Variants in RBM47 observed in about 807,000 individuals in gnomAD.
The protein encoded by RBM47 is RNA binding motif protein 47.
RBM47 carries 21 observed loss-of-function variants against 47.1 expected under a neutral mutation model. The observed-to-expected ratio is 0.45, with a 90% confidence interval of 0.32 to 0.64. The LOEUF (loss-of-function observed/expected upper bound fraction) is 0.64, where lower values mean the gene tolerates loss of function less well. RBM47 is among the 30% of genes least tolerant of loss of function. The pLI is 0.05. For synonymous variants in RBM47, 375 were observed against 361.7 expected, an observed-to-expected ratio of 1.04 and a Z score of -0.42; for missense variants, 708 against 870.9, an observed-to-expected ratio of 0.81 and a Z score of 2.35.
chr4:40,474,243 C>T (rs533106757), intron 2 of RBM47, among the ~76,000 whole-genome samples: 1 of 152,182 alleles, frequency 6.6e-6, no homozygotes, highest in Admixed American at 6.5e-5. Flanking sequence ...TTAGTCTAAA[C>T]CTTTGAACCT....
intron 1 of RBM47, among the ~76,000 whole-genome samples, chr4:40,554,998 C>T (rs770630380): frequency 6.6e-6 from 1 of 151,854 alleles, no homozygotes; most frequent in Admixed American, 6.6e-5. Flanking sequence ...TGCAATGGCG[C>T]GATCTCGGCT....
At chr4:40,482,666 C>T (rs1416856070) in intron 2 of RBM47, among the ~76,000 whole-genome samples, 2 of 152,186 alleles carry the variant, frequency 1.3e-5, no homozygotes, top group African/African-American at 4.8e-5. Flanking sequence ...AAGTAAAACA[C>T]CTCTTTCCTG....
intron 2 of RBM47, among the ~76,000 whole-genome samples, chr4:40,482,581 TACAA>T (rs1720581355): frequency 1.3e-5 from 2 of 152,226 alleles, no homozygotes; most frequent in African/African-American, 4.8e-5. Context: ...TGCATCAGGT[TACAA>T]ACAGAGGCAA....
chr4:40,470,781 T>C (rs2154236429), intron 2 of RBM47, among the ~76,000 whole-genome samples: 1 of 152,264 alleles, frequency 6.6e-6, no homozygotes, highest in East Asian at 1.9e-4. Context: ...CTCGCTCTGT[T>C]GCCTAGGCTG....
intron 1 of RBM47, among the ~76,000 whole-genome samples, chr4:40,607,149 A>C (rs1735836813): frequency 6.6e-6 from 1 of 152,256 alleles, no homozygotes; most frequent in Non-Finnish European, 1.5e-5. Context: ...ATGTCCGTAC[A>C]ATGGACTATT....
intron 2 of RBM47, among the ~76,000 whole-genome samples, chr4:40,504,718 G>T (rs1723861254): frequency 6.6e-6 from 1 of 152,114 alleles, no homozygotes; most frequent in Admixed American, 6.5e-5. Context: ...CTTGTTAATA[G>T]AAATTAAATT....
intron 2 of RBM47, among the ~76,000 whole-genome samples, chr4:40,469,486 T>TG (rs575717238): frequency 1.8e-4 from 26 of 148,042 alleles, no homozygotes; most frequent in Non-Finnish European, 3.4e-4. Context: ...CAGGCTGGAG[T>TG]GCAGTAGCCT....
intron 5 of RBM47, among the ~76,000 whole-genome samples, chr4:40,435,148 A>G (rs1712131239): frequency 6.6e-6 from 1 of 152,218 alleles, no homozygotes; most frequent in African/African-American, 2.4e-5. Flanking sequence ...GGCTAAGTTC[A>G]GGGTCCCTGG....
At chr4:40,608,738 G>A (rs1735983616) in intron 1 of RBM47, among the ~76,000 whole-genome samples, 3 of 152,148 alleles carry the variant, frequency 2.0e-5, no homozygotes, top group Admixed American at 2.0e-4. Flanking sequence ...TCAAGTTGGT[G>A]TTAGTAAGGC....
chr4:40,465,813 T>TTGG (rs1717928818), intron 3 of RBM47, among the ~76,000 whole-genome samples: 1 of 152,202 alleles, frequency 6.6e-6, no homozygotes, highest in Non-Finnish European at 1.5e-5. Context: ...TGAATTGGGA[T>TTGG]GACAGTTATT....
intron 2 of RBM47, among the ~76,000 whole-genome samples, chr4:40,478,009 CTT>C (rs1194806938): frequency 3.5e-5 from 3 of 86,382 alleles, no homozygotes; most frequent in Non-Finnish European, 4.2e-5. Context: ...GTGGCATGTT[CTT>C]TTTTTTTTTT....
intron 1 of RBM47, among the ~76,000 whole-genome samples, chr4:40,559,215 G>A (rs1386366638): frequency 2.6e-5 from 4 of 152,132 alleles, no homozygotes; most frequent in Non-Finnish European, 4.4e-5. Flanking sequence ...GGATTATATG[G>A]AAAAGCAGCC....
intron 1 of RBM47, among the ~76,000 whole-genome samples, chr4:40,595,348 G>C (rs1323323463): frequency 2.0e-5 from 3 of 152,022 alleles, no homozygotes; most frequent in African/African-American, 4.8e-5. Context: ...ACAAAAATTA[G>C]CCAGGCTTGG....
intron 5 of RBM47, among the ~76,000 whole-genome samples, chr4:40,435,604 AC>A (rs1712208935): frequency 6.6e-6 from 1 of 152,146 alleles, no homozygotes; most frequent in Non-Finnish European, 1.5e-5. Flanking sequence ...ATTTGCTCAG[AC>A]CATGACAAGG....
At chr4:40,599,073 G>T (rs1036430526) in intron 1 of RBM47, among the ~76,000 whole-genome samples, 1 of 151,948 alleles carries the variant, frequency 6.6e-6, no homozygotes, top group African/African-American at 2.4e-5. Flanking sequence ...CGGCCAACAT[G>T]ATGAAGCCCC....
intron 1 of RBM47, among the ~76,000 whole-genome samples, chr4:40,577,283 G>A (rs1026602649): frequency 3.3e-5 from 5 of 152,112 alleles, no homozygotes; most frequent in South Asian, 2.1e-4. Context: ...CTGCACCCAC[G>A]CTTCAGCTCT....
intron 1 of RBM47, among the ~76,000 whole-genome samples, chr4:40,588,711 A>G (rs183582039): frequency 6.6e-6 from 1 of 152,252 alleles, no homozygotes; most frequent in African/African-American, 2.4e-5. Flanking sequence ...GAGCCATTAC[A>G]AGTATAAATT....
rs1231919257 is a variant in RBM47 at position 40,436,760 on chromosome 4, A to G, written c.1124-113T>C. The G allele has an allele frequency of 6.1e-6, 6 of 986,838 alleles. No homozygotes were observed. The East Asian group carries it at 9.6e-5, about 16-fold the overall frequency. The allele number at this position is 986,838 out of a possible 1,614,324, so 61.1% of individuals were successfully genotyped here. On this transcript the variant is annotated intron_variant, in intron 4 of 6. Coordinates refer to ENST00000295971, the MANE Select transcript of RBM47 (RefSeq NM_001098634.2). ...GCCCCAGTCTTAATTGCAGGTGGCT[A>G]CACCTTTGCTCTTTAATAGGCTGGT...
intron 1 of RBM47, among the ~76,000 whole-genome samples, chr4:40,585,263 G>GA (rs369298846): frequency 8.5e-5 from 13 of 152,070 alleles, no homozygotes; most frequent in African/African-American, 3.1e-4. Context: ...GTCCATAGGG[G>GA]AAAAAAATGG....
Sources: allele counts gnomAD v4.1 joint callset (sites outside exome capture counted in the v4.1 genomes callset), GRCh38; gene constraint gnomAD v4.1.1; transcripts MANE v1.5; gene names NCBI Gene and HGNC (gene_info 2026-07-23, HGNC 2026-07-21).